UAP1: variants seen among roughly 807,000 people sequenced by gnomAD.
UAP1 encodes the protein UDP-N-acetylglucosamine pyrophosphorylase 1.
Under a neutral mutation model 58.5 loss-of-function variants are expected in UAP1, and 25 were observed. That is an observed-to-expected ratio of 0.43 (90% confidence interval 0.31 to 0.60). The LOEUF (loss-of-function observed/expected upper bound fraction) is 0.60, where lower values mean the gene tolerates loss of function less well. UAP1 is among the 20% of genes least tolerant of loss of function. UAP1 has a pLI of 0.11. For synonymous variants in UAP1, 208 were observed against 213.0 expected (o/e 0.98, Z 0.21); for missense variants, 575 against 630.0 (o/e 0.91, Z 0.93).
intron 2 of UAP1, among the ~76,000 whole-genome samples, chr1:162,573,130 A>G (rs1653969264): frequency 6.6e-6 from 1 of 152,148 alleles, no homozygotes; most frequent in Non-Finnish European, 1.5e-5. Flanking sequence ...TTTTTGTTAT[A>G]TAGTGGTTTA....
intron 1 of UAP1, among the ~76,000 whole-genome samples, chr1:162,562,053 G>C (rs1378857756): frequency 6.6e-6 from 1 of 152,230 alleles, no homozygotes; most frequent in Admixed American, 6.5e-5. Context: ...GCCAGGGATG[G>C]AATGAGCGCG....
intron 5 of UAP1, among the ~76,000 whole-genome samples, chr1:162,582,087 A>T (rs544484969): frequency 2.3e-4 from 35 of 152,302 alleles, no homozygotes; most frequent in South Asian, 4.1e-4. Context: ...TATATATATT[A>T]TAGCTAGAAA....
chr1:162,563,177 A>G (rs934630535), intron 1 of UAP1, among the ~76,000 whole-genome samples: 1 of 152,212 alleles, frequency 6.6e-6, no homozygotes, highest in African/African-American at 2.4e-5. Context: ...AATGGGAAAC[A>G]TGCTACTATT....
At chr1:162,569,851 T>C (rs1015559033) in intron 2 of UAP1, among the ~76,000 whole-genome samples, 14 of 152,160 alleles carry the variant, frequency 9.2e-5, no homozygotes, top group African/African-American at 3.4e-4. Flanking sequence ...AGATTTGTTT[T>C]ATTTTAAAAG....
At chr1:162,573,452 A>G (rs968114416) in intron 2 of UAP1, among the ~76,000 whole-genome samples, 16 of 152,126 alleles carry the variant, frequency 1.1e-4, no homozygotes, top group Non-Finnish European at 2.2e-4. Flanking sequence ...CTTAGATTAT[A>G]GTTACTATTT....
intron 8 of UAP1, 102 bp from the exon 9 acceptor site, chr1:162,592,630 C>T (rs1200304346): frequency 4.5e-6 from 4 of 886,072 alleles, no homozygotes; most frequent in East Asian, 2.7e-5. Flanking sequence ...TATGATTTAC[C>T]ATAAATACAT....
At chr1:162,565,791 G>A (rs1381696434) in intron 1 of UAP1, among the ~76,000 whole-genome samples, 2 of 152,166 alleles carry the variant, frequency 1.3e-5, no homozygotes, top group African/African-American at 4.8e-5. Flanking sequence ...ATGCCATAGT[G>A]TTGTTGAAAA....
chr1:162,578,401 T>C (rs1654347739), intron 3 of UAP1, among the ~76,000 whole-genome samples: 1 of 152,202 alleles, frequency 6.6e-6, no homozygotes. Context: ...CTCTGATGCC[T>C]TTAAAAAACT....
intron 5 of UAP1, 22 bp downstream of exon 5, chr1:162,581,481 G>C (rs745779388): frequency 2.1e-5 from 33 of 1,605,582 alleles, no homozygotes; most frequent in Non-Finnish European, 2.8e-5. Flanking sequence ...CTCAACTATG[G>C]TGAGGCTTTT....
chr1:162,578,079 TTTTTATAAG>T (rs1654320782), intron 3 of UAP1, among the ~76,000 whole-genome samples: 1 of 152,190 alleles, frequency 6.6e-6, no homozygotes, highest in Non-Finnish European at 1.5e-5. Flanking sequence ...CCTGCTCTGC[TTTTTATAAG>T]TTTTTGGTTC....
chr1:162,588,580 C>A, intron 6 of UAP1, 113 bp from the exon 7 acceptor site: 1 of 1,098,316 alleles, frequency 9.1e-7, no homozygotes, highest in Non-Finnish European at 1.3e-6. Context: ...AAATGCTCTT[C>A]ACTTTGAAAA....
At chr1:162,599,472 G>T in exon 11 of UAP1, 1 of 661,908 alleles carries the variant, frequency 1.5e-6, no homozygotes, top group Non-Finnish European at 2.6e-6. Flanking sequence ...TATCCACAGG[G>T]TTTTATTTTG....
chr1:162,583,307 C>G (rs1048651318), intron 5 of UAP1, among the ~76,000 whole-genome samples: 11 of 151,826 alleles, frequency 7.2e-5, no homozygotes, highest in African/African-American at 2.7e-4. Context: ...CACCCACCAC[C>G]AGGCCCAGAT....
intron 5 of UAP1, among the ~76,000 whole-genome samples, chr1:162,584,815 A>G (rs563214755): frequency 6.6e-6 from 1 of 152,134 alleles, no homozygotes; most frequent in East Asian, 1.9e-4. Context: ...GTCTTGGTGC[A>G]TTAAGTATTT....
intron 2 of UAP1, among the ~76,000 whole-genome samples, chr1:162,569,301 C>T (rs1653714153): frequency 6.6e-6 from 1 of 152,118 alleles, no homozygotes; most frequent in South Asian, 2.1e-4. Context: ...AAGCATTGTC[C>T]AGTAATTGCA....
chr1:162,583,772 C>T (rs368529270), intron 5 of UAP1, among the ~76,000 whole-genome samples: 14 of 152,220 alleles, frequency 9.2e-5, no homozygotes, highest in East Asian at 7.7e-4. Context: ...GTACCACAGG[C>T]GTGCACCACC....
intron 6 of UAP1, chr1:162,587,915 C>T (rs1655002857): frequency 2.6e-6 from 1 of 381,698 alleles, no homozygotes; most frequent in Non-Finnish European, 4.7e-6. Context: ...CCTTCTCACC[C>T]TCCCACCCCC....
At chr1:162,588,249 A>G (rs1655037702) in intron 6 of UAP1, 1 of 155,810 alleles carries the variant, frequency 6.4e-6, no homozygotes, top group South Asian at 2.0e-4. Context: ...CATTCTCACT[A>G]TCGATTTCAC....
rs182592349 is a variant in UAP1, at chr1:162,572,539, G to A, written c.281-4238G>A. 9.9e-4 allele frequency among the ~76,000 whole-genome samples: 151 copies of A among 152,312 alleles called. 2 individuals are homozygous for A. The Middle Eastern group carries it at 0.01, about 10-fold the overall frequency. Reference sequence around the variant, plus strand: ...GACTGAGAGTGAAAGTAAGAAGTCAGGAAGAAGGTTGGCACCATGTTAAGA... The same window carrying A: ...GACTGAGAGTGAAAGTAAGAAGTCAAGAAGAAGGTTGGCACCATGTTAAGA... On this transcript the variant is annotated intron_variant, in intron 2 of 10. Coordinates refer to ENST00000271469, the Ensembl canonical transcript of UAP1.
Sources: allele counts gnomAD v4.1 joint callset (sites outside exome capture counted in the v4.1 genomes callset), GRCh38; gene constraint gnomAD v4.1.1; transcripts MANE v1.5; gene names NCBI Gene and HGNC (gene_info 2026-07-23, HGNC 2026-07-21).